USP9X: variants seen among roughly 807,000 people sequenced by gnomAD.
The protein encoded by USP9X is ubiquitin specific peptidase 9 X-linked.
In USP9X, 7 loss-of-function variants were observed where a neutral mutation model predicts 190.3. That is an observed-to-expected ratio of 0.04 (90% confidence interval 0.02 to 0.07). The LOEUF (loss-of-function observed/expected upper bound fraction) is 0.07. Among genes scored for constraint, USP9X ranks in the 10% least tolerant of loss-of-function variants. The pLI, the probability that USP9X is intolerant of heterozygous loss-of-function variation, is 1.00. For missense variants in USP9X, 1,010 were observed against 1,916.9 expected (o/e 0.53, Z 8.83); for synonymous variants, 645 against 659.5 (o/e 0.98, Z 0.34).
At chrX:41,111,448 A>G (rs966034496) in intron 1 of USP9X, among the ~76,000 whole-genome samples, 1 of 112,017 alleles carries the variant, frequency 8.9e-6, no homozygotes, top group South Asian at 3.7e-4. Flanking sequence ...TTGTTTGCCA[A>G]TGAATCCTTG....
chrX:41,215,541 G>C (rs1212846928), intron 34 of USP9X, among the ~76,000 whole-genome samples: 1 of 112,610 alleles, frequency 8.9e-6, no homozygotes, highest in African/African-American at 3.2e-5. Context: ...GCGGCACTTA[G>C]TATATATTAC....
chrX:41,166,115 C>T lies in USP9X; in HGVS notation c.2229C>T (p.Phe743=). ...TENGMKCFER[F]FKAVNCREGK... Reference sequence around the variant, plus strand: ...ATGGAATGAAGTGTTTTGAGCGATTCTTCAAAGCTGTGAATTGTCGAGAAG... The same window carrying T: ...ATGGAATGAAGTGTTTTGAGCGATTTTTCAAAGCTGTGAATTGTCGAGAAG... Residue 743 remains phenylalanine (F), a synonymous_variant, in exon 16 of 45, where the codon TTC becomes TTT. Transcript: ENST00000378308. The T allele has an allele frequency of 8.3e-7, 1 of 1,211,123 alleles. No homozygotes were observed. Among genetic ancestry groups the T allele is most frequent in the Non-Finnish European group, 1.1e-6 (1 of 895,207 alleles).
At chrX:41,208,866 G>A (rs970747880) in intron 32 of USP9X, among the ~76,000 whole-genome samples, 1 of 109,914 alleles carries the variant, frequency 9.1e-6, no homozygotes, top group Non-Finnish European at 1.9e-5. Context: ...TGCCACCAAT[G>A]CCCAGCTAAT....
intron 1 of USP9X, among the ~76,000 whole-genome samples, chrX:41,102,926 G>A (rs1043046787): frequency 1.8e-5 from 2 of 110,993 alleles, no homozygotes; most frequent in Non-Finnish European, 3.8e-5. Context: ...CCTAGTAGCT[G>A]GGATTATAGG....
rs183239895 is a variant in USP9X at position 41,190,761 on chromosome X, T to C, written c.3977+1286T>C. On this transcript the variant is annotated intron_variant, in intron 26 of 44. Transcript: ENST00000378308. ...CTCTACCCTTTATGAAAATTACCCTTATATAAGTCAGAACCATTTTGCCCC... is the reference window on the plus strand; with the variant it reads ...CTCTACCCTTTATGAAAATTACCCTCATATAAGTCAGAACCATTTTGCCCC... Among the ~76,000 whole-genome samples, 539 of 111,609 alleles carry C rather than the reference T, an allele frequency of 4.8e-3. 3 individuals carry two copies. The highest frequency in any genetic ancestry group is 0.028 in the Middle Eastern group (6 of 217).
At chrX:41,213,328 T>A (rs2063182603) in intron 33 of USP9X, among the ~76,000 whole-genome samples, 1 of 111,339 alleles carries the variant, frequency 9.0e-6, no homozygotes, top group Non-Finnish European at 1.9e-5. Context: ...AACTCTACTT[T>A]GAGTGCCCAT....
chrX:41,212,245 A>T (rs1750408175), intron 33 of USP9X, among the ~76,000 whole-genome samples: 1 of 108,938 alleles, frequency 9.2e-6, no homozygotes, highest in South Asian at 4.0e-4. Flanking sequence ...TGCTTTGTTA[A>T]ACAGATGCTT....
chrX:41,127,870 G>A (rs1238358682), intron 2 of USP9X, among the ~76,000 whole-genome samples: 1 of 112,455 alleles, frequency 8.9e-6, no homozygotes, highest in African/African-American at 3.2e-5. Flanking sequence ...TCAGCCTATA[G>A]TGAATAGAAA....
chrX:41,157,808 T>C (rs200554970), intron 14 of USP9X, among the ~76,000 whole-genome samples: 2 of 111,870 alleles, frequency 1.8e-5, no homozygotes, highest in East Asian at 5.6e-4. Context: ...TGGAGGGCTT[T>C]GCAGACAGAC....
intron 1 of USP9X, among the ~76,000 whole-genome samples, chrX:41,119,476 G>A (rs1321560208): frequency 6.3e-5 from 7 of 111,464 alleles, no homozygotes; most frequent in Non-Finnish European, 1.9e-5. Flanking sequence ...TTTCAGTAGG[G>A]AAGATTCAAG....
At chrX:41,186,676 A>G in intron 24 of USP9X, 34 bp downstream of exon 24, 1 of 1,203,812 alleles carries the variant, frequency 8.3e-7, no homozygotes. Flanking sequence ...CACAATTTTA[A>G]CTTTCCTAGG....
intron 9 of USP9X, among the ~76,000 whole-genome samples, chrX:41,142,076 C>T (rs1443414035): frequency 9.0e-6 from 1 of 111,210 alleles, no homozygotes; most frequent in African/African-American, 3.3e-5. Context: ...GGAGCCCTCA[C>T]TTAATAGGGG....
At chrX:41,119,936 A>G (rs2062177223) in intron 1 of USP9X, among the ~76,000 whole-genome samples, 1 of 112,339 alleles carries the variant, frequency 8.9e-6, no homozygotes, top group Non-Finnish European at 1.9e-5. Flanking sequence ...TTCACGTAAC[A>G]CTCTTTGTAA....
chrX:41,157,119 C>T (rs777982960), intron 14 of USP9X, among the ~76,000 whole-genome samples: 3 of 111,828 alleles, frequency 2.7e-5, no homozygotes, highest in African/African-American at 9.8e-5. Flanking sequence ...CTCACCAGTA[C>T]AGTGGACTTA....
At chrX:41,168,686 G>T (rs1668462871) in intron 18 of USP9X, among the ~76,000 whole-genome samples, 1 of 111,224 alleles carries the variant, frequency 9.0e-6, no homozygotes, top group African/African-American at 3.3e-5. Flanking sequence ...GTGGAGGTGG[G>T]GTTTCACTAC....
At chrX:41,175,786 T>C (rs961489600) in intron 21 of USP9X, among the ~76,000 whole-genome samples, 12 of 98,182 alleles carry the variant, frequency 1.2e-4, no homozygotes, top group Admixed American at 3.5e-4. Flanking sequence ...CACACACACA[T>C]GAATATATAT....
At chrX:41,112,602 A>G (rs1426504646) in intron 1 of USP9X, among the ~76,000 whole-genome samples, 2 of 111,761 alleles carry the variant, frequency 1.8e-5, no homozygotes, top group African/African-American at 3.3e-5. Flanking sequence ...AAGAACTGGA[A>G]AGGAGCCACA....
chrX:41,135,038 A>G (rs1488215084), intron 5 of USP9X, among the ~76,000 whole-genome samples: 1 of 112,166 alleles, frequency 8.9e-6, no homozygotes. Context: ...TGAGATTTAG[A>G]GTTAAGCTTG....
intron 1 of USP9X, among the ~76,000 whole-genome samples, chrX:41,101,741 G>C (rs1321404475): frequency 1.8e-5 from 2 of 112,242 alleles, no homozygotes; most frequent in African/African-American, 6.5e-5. Flanking sequence ...TTTCTTAGTG[G>C]AATTTGTGTA....
Sources: gnomAD v4.1 joint callset for allele counts (sites outside exome capture counted in the v4.1 genomes callset) on GRCh38, gnomAD v4.1.1 for gene constraint, MANE v1.5 for transcripts, NCBI Gene and HGNC (gene_info 2026-07-23, HGNC 2026-07-21) for gene names.